The following TIMM9 variants were observed in gnomAD, a reference collection of about 807,000 sequenced individuals.
The protein encoded by TIMM9 is mitochondrial import inner membrane translocase subunit Tim9.
Under a neutral mutation model 13.4 loss-of-function variants are expected in TIMM9, and 10 were observed. The ratio of observed to expected loss-of-function variants is 0.75; its 90% CI spans 0.46 to 1.26. The LOEUF (loss-of-function observed/expected upper bound fraction) is 1.26. TIMM9 is among the 50% of genes most tolerant of loss of function. The pLI, the probability that TIMM9 is intolerant of heterozygous loss-of-function variation, is 0.00. For missense variants in TIMM9, 87 were observed against 100.8 expected (o/e 0.86, Z 0.58); for synonymous variants, 32 against 32.1 (o/e 1.00, Z 0.01).
At chr14:58,415,885 G>A (rs1022933848) in intron 3 of TIMM9, among the ~76,000 whole-genome samples, 1 of 152,032 alleles carries the variant, frequency 6.6e-6, no homozygotes, top group Non-Finnish European at 1.5e-5. Context: ...TAAACCCGAT[G>A]AAACCTACAT....
At position 58,413,803 on chromosome 14, in the gene TIMM9, C is replaced by G. The variant is rs553507296; in HGVS notation, c.-26-1832G>C. On this transcript the variant is annotated intron_variant, in intron 3 of 5. Coordinates refer to ENST00000395159, the MANE Select transcript of TIMM9 (RefSeq NM_012460.4). Reference sequence around the variant, plus strand: ...CGGGCAGATTACGAGGTCAGGAGATCGAGACCATCCTGGCTAACACAGTGA... The same window carrying G: ...CGGGCAGATTACGAGGTCAGGAGATGGAGACCATCCTGGCTAACACAGTGA... Among the ~76,000 whole-genome samples, 29 of 151,116 alleles carry G rather than the reference C, an allele frequency of 1.9e-4. No individual in the cohort carries two copies. In the South Asian group the frequency reaches 6.1e-3, roughly 32 times the overall value.
At chr14:58,417,766 C>G (rs1186166288) in intron 3 of TIMM9, among the ~76,000 whole-genome samples, 1 of 151,764 alleles carries the variant, frequency 6.6e-6, no homozygotes, top group Non-Finnish European at 1.5e-5. Context: ...AAATAAAGAG[C>G]AGAGATCAAT....
chr14:58,422,029 T>A (rs2036601822), intron 3 of TIMM9, among the ~76,000 whole-genome samples: 1 of 151,910 alleles, frequency 6.6e-6, no homozygotes, highest in Non-Finnish European at 1.5e-5. Context: ...TTTTTTTTTT[T>A]TAATTCCATC....
At position 58,424,057 on chromosome 14, in the gene TIMM9, A is replaced by G. The variant is rs2036667480; in HGVS notation, c.-76T>C. ...TCTGTTCTGGAAAAGTAGTTGTCCA[A>G]CCTTTGCTTGAATGTCTCCAATAAG... On this transcript the variant is annotated 5_prime_UTR_variant, in exon 3 of 6. Coordinates refer to ENST00000395159, the MANE Select transcript of TIMM9 (RefSeq NM_012460.4). 6.6e-6 allele frequency: 1 copy of G among 152,180 alleles called. No individual in the cohort carries two copies. The highest frequency in any genetic ancestry group is 2.4e-5 in the African/African-American group (1 of 41,442). The allele number at this position is 152,180 out of a possible 1,614,324, so 9.4% of individuals were successfully genotyped here. A position where few individuals can be genotyped will look rare whatever the true frequency, so the allele number is the denominator to read the frequency against.
At chr14:58,409,385 A>C (rs2036135881) in intron 5 of TIMM9, among the ~76,000 whole-genome samples, 1 of 152,156 alleles carries the variant, frequency 6.6e-6, no homozygotes, top group Non-Finnish European at 1.5e-5. Context: ...GTTTGTAGTC[A>C]CTAAGAGCAA....
chr14:58,411,308 C>T (rs956609571), intron 4 of TIMM9, among the ~76,000 whole-genome samples: 1 of 151,608 alleles, frequency 6.6e-6, no homozygotes, highest in Admixed American at 6.6e-5. Flanking sequence ...ATTAGCCAGG[C>T]GTGGTGGCGC....
chr14:58,416,189 G>A (rs992554020), intron 3 of TIMM9, among the ~76,000 whole-genome samples: 4 of 151,960 alleles, frequency 2.6e-5, no homozygotes, highest in Admixed American at 1.3e-4. Flanking sequence ...GATCATGTCA[G>A]TGCATTCCAG....
chr14:58,425,595 G>GT (rs931547668), intron 2 of TIMM9, among the ~76,000 whole-genome samples: 35 of 151,750 alleles, frequency 2.3e-4, no homozygotes, highest in Non-Finnish European at 4.1e-4. Context: ...ACAAAGAGCT[G>GT]TAAGATCCAA....
At chr14:58,424,271 TA>T (rs905569029) in intron 2 of TIMM9, among the ~76,000 whole-genome samples, 176 bp from the exon 3 acceptor site, 11 of 152,020 alleles carry the variant, frequency 7.2e-5, no homozygotes, top group East Asian at 5.8e-4. Context: ...GTGTTACTAT[TA>T]AAAAAAATAC....
rs768491908 is a variant in TIMM9 at position 58,417,284 on chromosome 14, CAT to C, written c.-26-5315_-26-5314del. ...GAAAATGGACTAATACACTGGGCAA[CAT>C]AGTGATACCTTCTCTCTCCAAAAAA... On this transcript the variant is annotated intron_variant, in intron 3 of 5. Transcript: ENST00000395159. Among the ~76,000 whole-genome samples the C allele has an allele frequency of 2.6e-5, 4 of 151,514 alleles. No homozygotes were observed. In the South Asian group the frequency reaches 8.3e-4, roughly 32 times the overall value.
At chr14:58,426,205 CT>C (rs372570202) in intron 2 of TIMM9, among the ~76,000 whole-genome samples, 5 of 150,116 alleles carry the variant, frequency 3.3e-5, no homozygotes, top group Admixed American at 6.7e-5. Flanking sequence ...CCCTTAAAGT[CT>C]TTTTTTTTCT....
chr14:58,412,031 G>GTTAGACT, intron 3 of TIMM9, 60 bp from the exon 4 acceptor site: 3 of 1,242,796 alleles, frequency 2.4e-6, no homozygotes, highest in Non-Finnish European at 3.5e-6. Flanking sequence ...TAGTCTAACT[G>GTTAGACT]AAGAGTTAGG....
intron 3 of TIMM9, among the ~76,000 whole-genome samples, chr14:58,414,724 G>A (rs1393893855): frequency 4.2e-5 from 5 of 119,552 alleles, no homozygotes; most frequent in African/African-American, 1.3e-4. Context: ...ACCGCATAGT[G>A]AGACGCCATC....
chr14:58,425,194 T>G (rs2036697726), intron 2 of TIMM9, among the ~76,000 whole-genome samples: 1 of 152,134 alleles, frequency 6.6e-6, no homozygotes. Flanking sequence ...GCAGATCACG[T>G]GCGGTCAGGA....
At chr14:58,425,808 G>A (rs1251096193) in intron 2 of TIMM9, among the ~76,000 whole-genome samples, 1 of 152,074 alleles carries the variant, frequency 6.6e-6, no homozygotes, top group East Asian at 1.9e-4. Flanking sequence ...CAATTACGAA[G>A]AGAAAATGTA....
intron 2 of TIMM9, among the ~76,000 whole-genome samples, chr14:58,425,641 A>C (rs1566756366): frequency 6.6e-6 from 1 of 152,122 alleles, no homozygotes; most frequent in East Asian, 1.9e-4. Context: ...GAGTGCCTAC[A>C]CTCAGATCTT....
chr14:58,415,018 G>A (rs928899224), intron 3 of TIMM9, among the ~76,000 whole-genome samples: 2 of 152,122 alleles, frequency 1.3e-5, no homozygotes, highest in Admixed American at 1.3e-4. Flanking sequence ...AATGTCAGTG[G>A]AGGCCACATG....
intron 3 of TIMM9, among the ~76,000 whole-genome samples, chr14:58,416,282 T>TGAAAGCAGCA (rs2036406802): frequency 6.6e-6 from 1 of 152,026 alleles, no homozygotes; most frequent in Non-Finnish European, 1.5e-5. Context: ...AAAAAGCCAT[T>TGAAAGCAGCA]GAAAGCAGCA....
At chr14:58,423,006 T>C (rs760458576) in intron 3 of TIMM9, among the ~76,000 whole-genome samples, 67 of 151,706 alleles carry the variant, frequency 4.4e-4, no homozygotes, top group South Asian at 1.9e-3. Flanking sequence ...GGTTTCACCA[T>C]GTTGGCCAGG....
Sources: allele counts gnomAD v4.1 joint callset (sites outside exome capture counted in the v4.1 genomes callset), GRCh38; gene constraint gnomAD v4.1.1; transcripts MANE v1.5; gene names NCBI Gene and HGNC (gene_info 2026-07-23, HGNC 2026-07-21).